DPYSL5: variants seen among roughly 807,000 people sequenced by gnomAD.
DPYSL5 encodes the protein dihydropyrimidinase-related protein 5.
A neutral mutation model predicts 58.4 loss-of-function variants in DPYSL5; 9 were observed. The observed-to-expected ratio is 0.15, with a 90% confidence interval of 0.09 to 0.27. The LOEUF is 0.27. Ranked by LOEUF, DPYSL5 falls within the 10% of genes least tolerant of loss-of-function variation. The probability of loss-of-function intolerance (pLI) is 1.00; values close to 1 mark genes in which losing one functional copy is unlikely to be tolerated. For missense variants in DPYSL5, 499 were observed against 770.6 expected (o/e 0.65, Z 4.17); for synonymous variants, 293 against 301.9 (o/e 0.97, Z 0.31).
chr2:26,869,434 C>T (rs1252277671), intron 1 of DPYSL5, among the ~76,000 whole-genome samples: 1 of 152,164 alleles, frequency 6.6e-6, no homozygotes, highest in Admixed American at 6.5e-5. Flanking sequence ...CCCACACAGA[C>T]ACTTTGAGGC....
chr2:26,869,304 G>A (rs1663198080), intron 1 of DPYSL5, among the ~76,000 whole-genome samples: 1 of 152,136 alleles, frequency 6.6e-6, no homozygotes, highest in Non-Finnish European at 1.5e-5. Context: ...TTGTAAAGCT[G>A]TATTGAGGTG....
Position 26,924,863 on chromosome 2 carries a change from G to C in DPYSL5, c.262-24G>C, listed in dbSNP as rs765289268. ...TCGGGGGCAGGCAGGGCTGTGACGA[G>C]ACTGCCTTTTCCCGTCTTCCCAGGC... On this transcript the variant is annotated intron_variant, in intron 2 of 12. Coordinates refer to ENST00000288699, the MANE Select transcript of DPYSL5 (RefSeq NM_020134.4). The surrounding 1 kb of genome is among the most constrained non-coding windows in gnomAD (Gnocchi z 4.7). 2 of 1,609,646 alleles carry C rather than the reference G, an allele frequency of 1.2e-6. No individual in the cohort carries two copies. The highest frequency in any genetic ancestry group is 2.7e-5 in the African/African-American group (2 of 74,878).
chr2:26,895,775 C>CTTTTTTTTTTT (rs869030530), intron 1 of DPYSL5, among the ~76,000 whole-genome samples: 46 of 101,108 alleles, frequency 4.5e-4, no homozygotes, highest in Non-Finnish European at 6.7e-4. Flanking sequence ...ATTTCTTTTT[C>CTTTTTTTTTTT]TTTTTTTTTT....
intron 5 of DPYSL5, among the ~76,000 whole-genome samples, chr2:26,930,268 C>T (rs2148163173): frequency 6.6e-6 from 1 of 152,288 alleles, no homozygotes; most frequent in South Asian, 2.1e-4. Flanking sequence ...TTCTTTGTTA[C>T]TTAATACAAG....
intron 2 of DPYSL5, among the ~76,000 whole-genome samples, chr2:26,915,215 C>T (rs1166506261): frequency 6.6e-6 from 1 of 152,148 alleles, no homozygotes; most frequent in Admixed American, 6.5e-5. Flanking sequence ...TACAACCCCA[C>T]TCCTCTTCCA....
At chr2:26,884,425 G>C (rs955576262) in intron 1 of DPYSL5, among the ~76,000 whole-genome samples, 2 of 152,046 alleles carry the variant, frequency 1.3e-5, no homozygotes, top group Non-Finnish European at 1.5e-5. Context: ...CAAGGAGCCA[G>C]GCTTCAGCTT....
Position 26,942,054 on chromosome 2 carries a change from C to A in DPYSL5, c.1194C>A (p.Ala398=), listed in dbSNP as rs202116000. The A allele has an allele frequency of 1.2e-6, 2 of 1,614,142 alleles. No individual in the cohort carries two copies. The highest frequency in any genetic ancestry group is 1.7e-6 in the Non-Finnish European group (2 of 1,180,040). Residue 398 remains alanine, a synonymous_variant, in exon 10 of 13, where the codon GCC becomes GCA. Coordinates refer to ENST00000288699, the MANE Select transcript of DPYSL5 (RefSeq NM_020134.4). The surrounding 1 kb of genome is among the most constrained non-coding windows in gnomAD (Gnocchi z 5.9). ...GCAAGGGCCGCATTATTCCCGGAGC[C>A]GATGCTGATGTGGTGGTGTGGGACC... The part of the protein sequence containing the change: ...YPRKGRIIPG[A]DADVVVWDPE...
intron 2 of DPYSL5, among the ~76,000 whole-genome samples, chr2:26,909,298 T>C (rs190186512): frequency 6.6e-6 from 1 of 152,238 alleles, no homozygotes; most frequent in Admixed American, 6.5e-5. Context: ...CTCACTCATA[T>C]TGCACACACA....
chr2:26,930,072 C>T (rs750515140), intron 5 of DPYSL5, among the ~76,000 whole-genome samples: 3 of 152,170 alleles, frequency 2.0e-5, no homozygotes, highest in Non-Finnish European at 4.4e-5. Context: ...AGTTGGCCCA[C>T]GAGTGGGTCC....
intron 1 of DPYSL5, among the ~76,000 whole-genome samples, chr2:26,855,428 C>T (rs1665856301): frequency 6.7e-6 from 1 of 148,228 alleles, no homozygotes; most frequent in Non-Finnish European, 1.5e-5. Flanking sequence ...GACTCCATCT[C>T]AAAAAAAAAA....
chr2:26,910,295 T>A (rs1004580976), intron 2 of DPYSL5, among the ~76,000 whole-genome samples: 6 of 152,230 alleles, frequency 3.9e-5, no homozygotes, highest in East Asian at 3.8e-4. Context: ...TTTAGCTTTT[T>A]AAGAAATTGC....
intron 2 of DPYSL5, among the ~76,000 whole-genome samples, chr2:26,915,773 A>G (rs1291509287): frequency 6.6e-6 from 1 of 152,094 alleles, no homozygotes; most frequent in Non-Finnish European, 1.5e-5. Context: ...TTCTGCTAAG[A>G]AGTCTGGGAC....
In DPYSL5 at chr2:26,932,102, AG is replaced by A. The variant is rs1558351274; in HGVS notation, c.714+419del. On this transcript the variant is annotated intron_variant, in intron 6 of 12. Coordinates refer to ENST00000288699, the MANE Select transcript of DPYSL5 (RefSeq NM_020134.4). ...GAAAGAAAAGAAAAAAGAAAGAGAAAGAAAGAAAAGAAAAAAGAAAGAGAAA... is the reference window on the plus strand; with the variant it reads ...GAAAGAAAAGAAAAAAGAAAGAGAAAAAAGAAAAGAAAAAAGAAAGAGAAA... 8.1e-4 allele frequency among the ~76,000 whole-genome samples: 119 copies of A among 146,478 alleles called. 5 individuals are homozygous for A. Among genetic ancestry groups the A allele is most frequent in the African/African-American group, 2.5e-3 (97 of 38,968 alleles).
chr2:26,949,147 TTAC>T lies in DPYSL5; in HGVS notation c.*2154_*2156del, dbSNP rs1665567618. On this transcript the variant is annotated 3_prime_UTR_variant, in exon 13 of 13. Transcript: ENST00000288699. ...CTGAGAGTTTAACCAATGAGAAGAC[TTAC>T]TTTCCTGGTAGGCAGCCTGCTTTGT... 1 of 152,224 alleles carries T rather than the reference TTAC, an allele frequency of 6.6e-6. No individual in the cohort carries two copies. Among genetic ancestry groups the T allele is most frequent in the African/African-American group, 2.4e-5 (1 of 41,456 alleles). 9.4% of individuals were successfully genotyped at this position (152,224 alleles called of 1,614,324 possible).
In DPYSL5 at chr2:26,944,924, C is replaced by G; in HGVS notation, c.1609+100C>G. ...CTGCTTTTCTTTTGTGTCCTCTCCT[C>G]CCTCCCGTTGCCTATTTCCAGGGAT... On this transcript the variant is annotated intron_variant, in intron 12 of 12. Transcript: ENST00000288699. The surrounding 1 kb of genome is among the most constrained non-coding windows in gnomAD (Gnocchi z 4.4). The G allele has an allele frequency of 8.6e-7, 1 of 1,165,722 alleles. No individual in the cohort carries two copies. The allele number at this position is 1,165,722 out of a possible 1,614,324, so 72.2% of individuals were successfully genotyped here. A position where few individuals can be genotyped will look rare whatever the true frequency, so the allele number is the denominator to read the frequency against.
Position 26,927,407 on chromosome 2 carries a change from C to G in DPYSL5, c.575C>G (p.Ala192Gly). Residue 192 changes from alanine to glycine, a missense_variant, in exon 4 of 13, where the codon GCT becomes GGT. This residue lies in a region of DPYSL5 where 404 missense variants were observed against 647.6 expected (regional missense o/e 0.62). Coordinates refer to ENST00000288699, the MANE Select transcript of DPYSL5 (RefSeq NM_020134.4). The surrounding 1 kb of genome is among the most constrained non-coding windows in gnomAD (Gnocchi z 4.3). ...ATTGGGGCAATCGCCCGCGTCCATG[C>G]TGAAAATGGGGAGCTTGTGGCCGAG... Reference protein sequence around the residue: ...KDIGAIARVHAENGELVAEGA... With the variant: ...KDIGAIARVHGENGELVAEGA... The G allele has an allele frequency of 6.2e-7, 1 of 1,614,088 alleles. No individual in the cohort carries two copies. The highest frequency in any genetic ancestry group is 8.5e-7 in the Non-Finnish European group (1 of 1,179,996).
chr2:26,932,048 G>GGAAAGAAAGAAAGAAAGAAA lies in DPYSL5; in HGVS notation c.714+381_714+400dup, dbSNP rs149642423. Among the ~76,000 whole-genome samples the GGAAAGAAAGAAAGAAAGAAA allele has an allele frequency of 1.8e-3, 87 of 47,632 alleles. 8 individuals carry two copies. The highest frequency in any genetic ancestry group is 8.3e-3 in the African/African-American group (83 of 9,978). 31.2% of individuals were successfully genotyped at this position (47,632 alleles called of 152,430 possible). Reference sequence around the variant, plus strand: ...AAAGAAAGAAAAGAAAAGAAAGAAAGGAAAGAAAGAAAGAAAGAAAGAAAG... The same window carrying GGAAAGAAAGAAAGAAAGAAA: ...AAAGAAAGAAAAGAAAAGAAAGAAAGGAAAGAAAGAAAGAAAGAAAGAAAGAAAGAAAGAAAGAAAGAAAG... On this transcript the variant is annotated intron_variant, in intron 6 of 12. Transcript: ENST00000288699.
chr2:26,894,831 C>T (rs559949643), intron 1 of DPYSL5, among the ~76,000 whole-genome samples: 1 of 152,216 alleles, frequency 6.6e-6, no homozygotes, highest in South Asian at 2.1e-4. Context: ...ATTTCCAAAG[C>T]AGAGGTCAAG....
intron 1 of DPYSL5, among the ~76,000 whole-genome samples, chr2:26,860,058 C>G (rs1372551610): frequency 6.6e-6 from 1 of 152,182 alleles, no homozygotes; most frequent in East Asian, 1.9e-4. Flanking sequence ...TCTCCTCAAG[C>G]CTCAGTTTCC....
Sources: gnomAD v4.1 joint callset for allele counts (sites outside exome capture counted in the v4.1 genomes callset) on GRCh38, gnomAD v4.1.1 for gene constraint, gnomAD v4.1.1 regional missense constraint, Gnocchi (gnomAD v3.1) non-coding constraint, MANE v1.5 for transcripts, NCBI Gene and HGNC (gene_info 2026-07-23, HGNC 2026-07-21) for gene names.